LRRC75B: variants seen among roughly 807,000 people sequenced by gnomAD.
LRRC75B encodes leucine-rich repeat-containing protein 75B.
LRRC75B carries 20 observed loss-of-function variants against 16.5 expected under a neutral mutation model. The observed-to-expected ratio is 1.21, with a 90% CI of 0.85 to 1.76. The LOEUF (loss-of-function observed/expected upper bound fraction) is 1.76, where lower values mean the gene tolerates loss of function less well. Ranked by LOEUF, LRRC75B falls within the 40% of genes most tolerant of loss-of-function variation. LRRC75B has a pLI of 0.00. For synonymous variants in LRRC75B, 199 were observed against 198.1 expected (o/e 1.00, Z -0.04); for missense variants, 406 against 417.0 (o/e 0.97, Z 0.23).
chr22:24,590,119 G>A (rs2045525424), intron 1 of LRRC75B, among the ~76,000 whole-genome samples, 170 bp from the exon 2 acceptor site: 1 of 152,132 alleles, frequency 6.6e-6, no homozygotes. Flanking sequence ...AGTGGCGGGT[G>A]GCCCCCTTCT....
rs745778486 is a variant in LRRC75B at position 24,586,023 on chromosome 22, T to G, written c.811A>C (p.Thr271Pro). The change falls in exon 4 of 4, where the codon ACC (threonine) becomes CCC (proline). Residue 271 changes from threonine (T) to proline (P), a missense_variant. Physicochemically the swap from Thr to Pro is conservative, Grantham distance 38. Transcript: ENST00000318753. ...CCCTCGTAGATGGTGGGGAGTGAGG[T>G]GCGCTGGCTCAGCCGCCGGCGCAGG... ...VGLRRRLSQR[T>P]SLPTIYEGLD... is the part of the protein sequence containing the mutation. 19 of 1,610,842 alleles carry G rather than the reference T, an allele frequency of 1.2e-5. No homozygotes were observed. Among genetic ancestry groups the G allele is most frequent in the African/African-American group, 2.7e-5 (2 of 74,910 alleles).
chr22:24,586,292 A>C lies in LRRC75B; in HGVS notation c.542T>G (p.Val181Gly), dbSNP rs766242740. 6 of 1,614,006 alleles carry C rather than the reference A, an allele frequency of 3.7e-6. No homozygotes were observed. The highest frequency in any genetic ancestry group is 1.3e-5 in the African/African-American group (1 of 75,080). ...ITRYLSSHGA[V>G]LAVLDLSFTG... ...GAAGCTCAGGTCCAGCACCGCCAGC[A>C]CAGCACCATGGCTGCTCAGGTAGCG... The change falls in exon 4 of 4, where the codon GTG becomes GGG. Residue 181 changes from valine to glycine, a missense_variant. By Grantham distance (109) the Val-to-Gly change is moderately radical. Transcript: ENST00000318753.
chr22:24,587,801 G>A (rs921743654), intron 3 of LRRC75B, among the ~76,000 whole-genome samples: 11 of 152,136 alleles, frequency 7.2e-5, no homozygotes, highest in South Asian at 2.1e-4. Context: ...CCACTTCTCC[G>A]AACCTGTTTC....
At chr22:24,591,477 A>G (rs1279705604) in intron 1 of LRRC75B, among the ~76,000 whole-genome samples, 29 of 152,108 alleles carry the variant, frequency 1.9e-4, no homozygotes, top group Non-Finnish European at 1.5e-5. Context: ...TCCATAGGTG[A>G]TATGCTCTGT....
intron 2 of LRRC75B, chr22:24,589,381 A>C: frequency 9.0e-7 from 1 of 1,115,858 alleles, no homozygotes; most frequent in Non-Finnish European, 1.1e-6. Context: ...GGGTGTCTGT[A>C]CAGGATGGAG....
At position 24,585,792 on chromosome 22, in the gene LRRC75B, TG is replaced by T. The variant is rs1569033833; in HGVS notation, c.*93del. ...AGGCTGAGCATTTACACTGGATTTCTGGGGGCCTGTGAGTCCTCCTTGACCT... is the reference window on the plus strand; with the variant it reads ...AGGCTGAGCATTTACACTGGATTTCTGGGGCCTGTGAGTCCTCCTTGACCT... On this transcript the variant is annotated 3_prime_UTR_variant, in exon 4 of 4. Transcript: ENST00000318753. The T allele has an allele frequency of 2.4e-6, 3 of 1,241,650 alleles. No homozygotes were observed. The highest frequency in any genetic ancestry group is 5.4e-5 in the Admixed American group (2 of 36,856). 76.9% of individuals were successfully genotyped at this position (1,241,650 alleles called of 1,614,324 possible). A position where few individuals can be genotyped will look rare whatever the true frequency, so the allele number is the denominator to read the frequency against.
At position 24,588,719 on chromosome 22, in the gene LRRC75B, G is replaced by T. The variant is rs140985123; in HGVS notation, c.307-390C>A. On this transcript the variant is annotated intron_variant, in intron 2 of 3. Transcript: ENST00000318753. ...CCAGACCAGGCCCCTCGAGGGAGCC[G>T]TGCTCCACTGACGCCAATCCCAGGG... 37 of 1,068,248 alleles carry T rather than the reference G, an allele frequency of 3.5e-5. No homozygotes were observed. In the African/African-American group the frequency reaches 5.9e-4, roughly 17 times the overall value. The allele number at this position is 1,068,248 out of a possible 1,614,324, so 66.2% of individuals were successfully genotyped here.
chr22:24,590,577 C>T (rs1007194968), intron 1 of LRRC75B, among the ~76,000 whole-genome samples: 4 of 152,210 alleles, frequency 2.6e-5, no homozygotes, highest in African/African-American at 2.4e-5. Context: ...TGGGGTCTTT[C>T]GTCTTATGGT....
intron 3 of LRRC75B, among the ~76,000 whole-genome samples, chr22:24,587,390 C>T (rs907912267): frequency 8.5e-5 from 13 of 152,176 alleles, no homozygotes; most frequent in African/African-American, 3.1e-4. Context: ...TGAACAGAGC[C>T]CACTAGGCAG....
Position 24,589,619 on chromosome 22 carries a change from A to G in LRRC75B, c.306+202T>C. The G allele has an allele frequency of 6.2e-6, 4 of 640,404 alleles. No individual in the cohort carries two copies. In the South Asian group the frequency reaches 9.3e-5, roughly 15 times the overall value. The allele number at this position is 640,404 out of a possible 1,614,324, so 39.7% of individuals were successfully genotyped here. A position where few individuals can be genotyped will look rare whatever the true frequency, so the allele number is the denominator to read the frequency against. ...TGCCCAGGACTCTGAGGGTCCTGCA[A>G]AGCACAGCTCACACTTGCTCTAGCT... is the stretch of plus-strand genomic sequence containing the variant. On this transcript the variant is annotated intron_variant, in intron 2 of 3. Transcript: ENST00000318753.
At chr22:24,592,806 C>A in intron 1 of LRRC75B, 57 bp downstream of exon 1, 1 of 1,251,144 alleles carries the variant, frequency 8.0e-7, no homozygotes. Context: ...CCCAGACCCC[C>A]AGACCCCCAG....
At chr22:24,587,369 C>T (rs2045426588) in intron 3 of LRRC75B, among the ~76,000 whole-genome samples, 1 of 152,166 alleles carries the variant, frequency 6.6e-6, no homozygotes, top group Non-Finnish European at 1.5e-5. Context: ...CTAGGTCTCT[C>T]CCCAGTTATC....
intron 3 of LRRC75B, among the ~76,000 whole-genome samples, 196 bp downstream of exon 3, chr22:24,588,018 G>A (rs758534018): frequency 3.3e-5 from 5 of 152,188 alleles, no homozygotes; most frequent in Non-Finnish European, 7.3e-5. Flanking sequence ...GGGTCACTCA[G>A]AGGGTGCAGC....
intron 1 of LRRC75B, 124 bp from the exon 2 acceptor site, chr22:24,590,073 G>T: frequency 8.4e-7 from 1 of 1,194,792 alleles, no homozygotes; most frequent in East Asian, 2.8e-5. Flanking sequence ...AAGGCTGGCT[G>T]GATTCTCCCC....
rs528601546 is a variant in LRRC75B, at chr22:24,588,246, C to T, written c.390G>A (p.Gly130=). 3.1e-6 allele frequency: 5 copies of T among 1,613,364 alleles called. No homozygotes were observed. In the Admixed American group the frequency reaches 8.3e-5, roughly 27 times the overall value. Residue 130 remains glycine (G), a synonymous_variant, in exon 3 of 4, where the codon GGG becomes GGA. Coordinates refer to ENST00000318753, the MANE Select transcript of LRRC75B (RefSeq NM_207644.3). ...GGGTCTTCCTCTGGCGCAGGCTGGA[C>T]CCTTGCTGCTGCTTCGAGTGAGGGG... ...HLTPHSKQQQ[G]SSLRQRKTQS... is the part of the protein sequence containing the mutation.
Position 24,586,221 on chromosome 22 carries a change from A to T in LRRC75B, c.613T>A (p.Trp205Arg), listed in dbSNP as rs755962423. The change falls in exon 4 of 4, where the codon TGG becomes AGG. Residue 205 changes from tryptophan to arginine, a missense_variant. Coordinates refer to ENST00000318753, the MANE Select transcript of LRRC75B (RefSeq NM_207644.3). ...ELLHLLLPSL[W>R]ALPRLTQLLL... ...AGCTGGGTGAGGCGGGGCAGCGCCC[A>T]CAGGCTGGGCAGCAGGAGGTGCAGC... The T allele has an allele frequency of 1.2e-6, 2 of 1,613,680 alleles. No individual in the cohort carries two copies. The highest frequency in any genetic ancestry group is 1.1e-5 in the South Asian group (1 of 91,082).
rs370955070 is a variant in LRRC75B at position 24,586,171 on chromosome 22, C to T, written c.663G>A (p.Thr221=). 110 of 1,613,488 alleles carry T rather than the reference C, an allele frequency of 6.8e-5. No individual in the cohort carries two copies. The African/African-American group carries it at 8.7e-4, about 13-fold the overall frequency. Residue 221 remains threonine (T), a synonymous_variant, in exon 4 of 4, where the codon ACG becomes ACA. Transcript: ENST00000318753. ...CAGTGAGCTTGCGGGCAGTGGCCCG[C>T]GTCAGTCGGTTGCCGTTGAGCAGGA... ...TQLLLNGNRL[T]RATARKLTDA...
Position 24,586,247 on chromosome 22 carries a change from A to C in LRRC75B, c.587T>G (p.Leu196Arg). The change falls in exon 4 of 4, where the codon CTG becomes CGG. Residue 196 changes from leucine to arginine, a missense_variant. By Grantham distance (102) the Leu-to-Arg change is moderately radical. Transcript: ENST00000318753. ...CAGGCTGGGCAGCAGGAGGTGCAGC[A>C]GCTCATCACTCAGCCCCGTGAAGCT... The part of the protein sequence containing the change: ...DLSFTGLSDE[L>R]LHLLLPSLWA... 1 of 1,613,832 alleles carries C rather than the reference A, an allele frequency of 6.2e-7. No individual in the cohort carries two copies.
chr22:24,588,232 TG>T lies in LRRC75B; in HGVS notation c.403del (p.Gln135ArgfsTer41). 6.2e-7 allele frequency: 1 copy of T among 1,613,076 alleles called. No homozygotes were observed. The highest frequency in any genetic ancestry group is 2.2e-5 in the East Asian group (1 of 44,876). On this transcript the variant is annotated frameshift_variant, in exon 3 of 4. Coordinates refer to ENST00000318753, the MANE Select transcript of LRRC75B (RefSeq NM_207644.3). LOFTEE classifies it low-confidence loss of function (END_TRUNC). ...CCCTTACCAGCTCTGGGTCTTCCTCTGGCGCAGGCTGGACCCTTGCTGCTGC... is the reference window on the plus strand; with the variant it reads ...CCCTTACCAGCTCTGGGTCTTCCTCTGCGCAGGCTGGACCCTTGCTGCTGC... Reference protein sequence around the residue: ...SKQQQGSSLRQRKTQSCLKSS... With the variant: ...SKQQQGSSLRXRKTQSCLKSS...
Sources: allele counts gnomAD v4.1 joint callset (sites outside exome capture counted in the v4.1 genomes callset), GRCh38; gene constraint gnomAD v4.1.1; transcripts MANE v1.5; gene names NCBI Gene and HGNC (gene_info 2026-07-23, HGNC 2026-07-21).